PPFIA2: variants seen among roughly 807,000 people sequenced by gnomAD.
The protein encoded by PPFIA2 is liprin-alpha-2.
In PPFIA2, 46 loss-of-function variants were observed where a neutral mutation model predicts 175.5. That is an observed-to-expected ratio of 0.26 (90% CI 0.21 to 0.34). The LOEUF (loss-of-function observed/expected upper bound fraction) is 0.34, where lower values mean the gene tolerates loss of function less well. Ranked by LOEUF, PPFIA2 falls within the 10% of genes least tolerant of loss-of-function variation. The pLI is 1.00. For synonymous variants in PPFIA2, 568 were observed against 511.4 expected, an observed-to-expected ratio of 1.11 and a Z score of -1.49; for missense variants, 1,179 against 1,506.1, an observed-to-expected ratio of 0.78 and a Z score of 3.60.
At chr12:81,281,499 G>T in intron 26 of PPFIA2, 49 bp from the exon 27 acceptor site, 1 of 1,295,000 alleles carries the variant, frequency 7.7e-7, no homozygotes, top group Middle Eastern at 1.9e-4. Flanking sequence ...CAGATAAGAT[G>T]GTAATTGGAT....
At chr12:81,638,036 G>T (rs913616880) in intron 4 of PPFIA2, among the ~76,000 whole-genome samples, 3 of 152,046 alleles carry the variant, frequency 2.0e-5, no homozygotes, top group East Asian at 1.9e-4. Context: ...CCCATTACCC[G>T]ACTATTTTTC....
chr12:81,517,909 C>T (rs1749834285), intron 4 of PPFIA2, among the ~76,000 whole-genome samples: 1 of 139,714 alleles, frequency 7.2e-6, no homozygotes, highest in South Asian at 2.2e-4. Context: ...GCTACCTTTC[C>T]TTGTAATAAT....
intron 11 of PPFIA2, among the ~76,000 whole-genome samples, chr12:81,370,679 A>T (rs1475531536): frequency 6.6e-6 from 1 of 151,818 alleles, no homozygotes; most frequent in Non-Finnish European, 1.5e-5. Flanking sequence ...GGTTAGATAC[A>T]TGTCTTGGAG....
chr12:81,614,189 A>G (rs1167122512), intron 4 of PPFIA2, among the ~76,000 whole-genome samples: 1 of 152,142 alleles, frequency 6.6e-6, no homozygotes, highest in East Asian at 1.9e-4. Flanking sequence ...CAGTATGCTA[A>G]TCCCCCTGCA....
intron 17 of PPFIA2, chr12:81,350,604 G>A (rs2059848934): frequency 6.6e-6 from 1 of 152,170 alleles, no homozygotes; most frequent in Non-Finnish European, 1.5e-5. Context: ...CAAGGTAAAT[G>A]GTTAGAGAAT....
At chr12:81,604,113 G>C (rs572175230) in intron 4 of PPFIA2, among the ~76,000 whole-genome samples, 1 of 151,808 alleles carries the variant, frequency 6.6e-6, no homozygotes, top group East Asian at 1.9e-4. Flanking sequence ...GCTAACCATT[G>C]ACTTGATGTA....
chr12:81,523,049 G>A (rs1045567065), intron 4 of PPFIA2, among the ~76,000 whole-genome samples: 4 of 152,072 alleles, frequency 2.6e-5, no homozygotes, highest in African/African-American at 4.8e-5. Context: ...ACATGAGATT[G>A]TTTTTTTGGC....
At chr12:81,354,347 A>G (rs887788616) in intron 16 of PPFIA2, among the ~76,000 whole-genome samples, 2 of 152,184 alleles carry the variant, frequency 1.3e-5, no homozygotes, top group Non-Finnish European at 2.9e-5. Flanking sequence ...GTGTAATCTA[A>G]TATTTTATAT....
At chr12:81,524,144 G>C (rs750663831) in intron 4 of PPFIA2, among the ~76,000 whole-genome samples, 1 of 152,182 alleles carries the variant, frequency 6.6e-6, no homozygotes, top group Non-Finnish European at 1.5e-5. Flanking sequence ...ACTGCCATGA[G>C]GGTGGGGTCA....
intron 6 of PPFIA2, among the ~76,000 whole-genome samples, chr12:81,445,303 T>C (rs2051050917): frequency 6.6e-6 from 1 of 151,574 alleles, no homozygotes; most frequent in South Asian, 2.1e-4. Context: ...AGTAGGGTTA[T>C]AATGTACCAT....
rs148288818 is a variant in PPFIA2, at chr12:81,714,201, A to G, written c.250-37357T>C. On this transcript the variant is annotated intron_variant, in intron 3 of 32. Transcript: ENST00000549396. ...ATAAATATGTCCTTATATACATATA[A>G]TAAGTAGATACATTCATACACACTT... Among the ~76,000 whole-genome samples, 251 of 151,278 alleles carry G rather than the reference A, an allele frequency of 1.7e-3. 5 individuals carry two copies. Among genetic ancestry groups the G allele is most frequent in the Admixed American group, 6.4e-3 (95 of 14,818 alleles).
At chr12:81,433,579 T>C (rs2048467121) in intron 7 of PPFIA2, among the ~76,000 whole-genome samples, 1 of 152,170 alleles carries the variant, frequency 6.6e-6, no homozygotes, top group African/African-American at 2.4e-5. Flanking sequence ...ATTAATTAAA[T>C]TGAAAGACGA....
chr12:81,400,649 T>C (rs2142706667), intron 8 of PPFIA2, among the ~76,000 whole-genome samples: 1 of 152,340 alleles, frequency 6.6e-6, no homozygotes, highest in East Asian at 1.9e-4. Context: ...TAAATTGTTA[T>C]GTTGCATTTT....
chr12:81,439,347 A>C (rs1019811392), intron 7 of PPFIA2, among the ~76,000 whole-genome samples: 1 of 151,478 alleles, frequency 6.6e-6, no homozygotes, highest in Non-Finnish European at 1.5e-5. Context: ...AAATATAGAT[A>C]GATACATGTA....
chr12:81,728,075 T>A (rs181587958), intron 3 of PPFIA2, among the ~76,000 whole-genome samples: 34 of 151,568 alleles, frequency 2.2e-4, no homozygotes, highest in Admixed American at 1.8e-3. Flanking sequence ...AATGTGTAAA[T>A]GAATACTATT....
At chr12:81,636,040 CTA>C (rs1257067595) in intron 4 of PPFIA2, among the ~76,000 whole-genome samples, 1 of 152,048 alleles carries the variant, frequency 6.6e-6, no homozygotes, top group Non-Finnish European at 1.5e-5. Flanking sequence ...ACTTAGATTT[CTA>C]TGTTTTTTAA....
At chr12:81,650,563 G>A (rs2066885492) in intron 4 of PPFIA2, among the ~76,000 whole-genome samples, 1 of 152,146 alleles carries the variant, frequency 6.6e-6, no homozygotes, top group African/African-American at 2.4e-5. Context: ...TCTGGAGCAA[G>A]GGAATGAAAT....
chr12:81,444,096 C>T (rs1338265424), intron 6 of PPFIA2, among the ~76,000 whole-genome samples: 1 of 151,674 alleles, frequency 6.6e-6, no homozygotes, highest in Non-Finnish European at 1.5e-5. Context: ...CCTCGTGATC[C>T]GCCCGCCTCG....
At chr12:81,417,889 G>A (rs1434796165) in intron 7 of PPFIA2, among the ~76,000 whole-genome samples, 1 of 151,714 alleles carries the variant, frequency 6.6e-6, no homozygotes, top group Non-Finnish European at 1.5e-5. Context: ...CTGTAGACAG[G>A]ACACTCTGCC....
Sources: allele counts gnomAD v4.1 joint callset (sites outside exome capture counted in the v4.1 genomes callset), GRCh38; gene constraint gnomAD v4.1.1; transcripts MANE v1.5; gene names NCBI Gene and HGNC (gene_info 2026-07-23, HGNC 2026-07-21).